TENM2: variants seen among roughly 807,000 people sequenced by gnomAD.
The protein encoded by TENM2 is teneurin transmembrane protein 2, also known as teneurin-2.
In TENM2, 52 loss-of-function variants were observed where a neutral mutation model predicts 245.2. That is an observed-to-expected ratio of 0.21 (90% CI 0.17 to 0.27). The LOEUF (loss-of-function observed/expected upper bound fraction) is 0.27. Ranked by LOEUF, TENM2 falls within the 10% of genes least tolerant of loss-of-function variation. The pLI, the probability that TENM2 is intolerant of heterozygous loss-of-function variation, is 1.00. For missense variants in TENM2, 3,046 were observed against 3,666.8 expected, an observed-to-expected ratio of 0.83 and a Z score of 4.37; for synonymous variants, 1,363 against 1,438.9, an observed-to-expected ratio of 0.95 and a Z score of 1.19.
chr5:167,716,985 C>G (rs1759316535), intron 2 of TENM2, among the ~76,000 whole-genome samples: 1 of 145,502 alleles, frequency 6.9e-6, no homozygotes, highest in South Asian at 2.1e-4. Context: ...TTGAGACAGT[C>G]TTGCTCTGTT....
At chr5:167,661,465 G>A (rs115667716) in intron 2 of TENM2, among the ~76,000 whole-genome samples, 2,123 of 152,268 alleles carry the variant, frequency 0.014, 108 homozygotes, top group Admixed American at 0.089. Context: ...ATTAGCACCT[G>A]GAAAATAGTA....
chr5:167,383,228 C>T (rs557208214), intron 2 of TENM2, among the ~76,000 whole-genome samples: 7 of 152,012 alleles, frequency 4.6e-5, no homozygotes, highest in South Asian at 4.2e-4. Context: ...AGGCCATATA[C>T]GAAAATGCCA....
intron 13 of TENM2, among the ~76,000 whole-genome samples, chr5:168,165,637 TCCCCCCCCCAACCCCCCCC>T (rs869055314): frequency 1.3e-4 from 3 of 22,566 alleles, no homozygotes; most frequent in Non-Finnish European, 4.4e-4. Context: ...CAATTCAGGA[TCCCCCCCCCAACCCCCCCC>T]CCCCCCCCGG....
At chr5:168,203,542 G>T (rs1762100355) in intron 17 of TENM2, 147 bp from the exon 20 acceptor site, 1 of 696,794 alleles carries the variant, frequency 1.4e-6, no homozygotes, top group Non-Finnish European at 2.2e-6. Flanking sequence ...AAGGAGAAAA[G>T]CAATCAGCCT....
intron 13 of TENM2, among the ~76,000 whole-genome samples, chr5:168,165,686 CCAAAGG>C (rs1262888969): frequency 5.5e-5 from 7 of 126,420 alleles, no homozygotes; most frequent in Non-Finnish European, 9.5e-5. Context: ...ACAAAGCAGT[CCAAAGG>C]CAGGGCACAA....
rs201411837 is a variant in TENM2 at position 167,654,119 on chromosome 5, CT to C, written c.503-221856del. Among the ~76,000 whole-genome samples, 76 of 147,934 alleles carry C rather than the reference CT, an allele frequency of 5.1e-4. 1 individual carries two copies. The highest frequency in any genetic ancestry group is 2.0e-3 in the Admixed American group (30 of 14,816). On this transcript the variant is annotated intron_variant, in intron 2 of 28. Coordinates refer to ENST00000518659, the Ensembl canonical transcript of TENM2. ...TTTCAAATAGTAGTACTTTTACTAA[CT>C]TTTTTTTTTTACTACCTTTATGGGT...
chr5:168,256,357 G>A lies in TENM2; in HGVS notation c.7433-3926G>A, dbSNP rs540669441. Among the ~76,000 whole-genome samples, 6 of 151,778 alleles carry A rather than the reference G, an allele frequency of 4.0e-5. No homozygotes were observed. The East Asian group carries it at 1.2e-3, about 29-fold the overall frequency. ...GATGCTCTGTAAATATATGGCTGTT[G>A]CCAGATTAAAGCCAGGCTTCTCTCT... is the stretch of plus-strand genomic sequence containing the variant. On this transcript the variant is annotated intron_variant, in intron 27 of 28. Transcript: ENST00000518659.
At chr5:167,253,675 T>C in the TENM2 span, among the ~76,000 whole-genome samples, 4 of 152,166 alleles carry the variant, frequency 2.6e-5, no homozygotes, top group Non-Finnish European at 4.4e-5. Context: ...TTTTCTCTTT[T>C]ACTCTTTAAG....
intron 1 of TENM2, among the ~76,000 whole-genome samples, chr5:167,360,085 G>C (rs1031116261): frequency 1.3e-5 from 2 of 152,124 alleles, no homozygotes; most frequent in Non-Finnish European, 2.9e-5. Context: ...TTAGTATCTG[G>C]GTGATGAAGA....
chr5:167,734,263 C>T (rs1760643122), intron 2 of TENM2, among the ~76,000 whole-genome samples: 1 of 152,050 alleles, frequency 6.6e-6, no homozygotes, highest in Non-Finnish European at 1.5e-5. Context: ...TCCCTCATCT[C>T]ATCTTTGAGA....
intron 1 of TENM2, among the ~76,000 whole-genome samples, chr5:167,326,075 A>G (rs1453368052): frequency 6.6e-6 from 1 of 152,032 alleles, no homozygotes; most frequent in Admixed American, 6.6e-5. Flanking sequence ...CAGGAGGGTG[A>G]GGGGCATTCT....
In TENM2 at chr5:168,014,096, C is replaced by G. The variant is rs140762432; in HGVS notation, c.1186+20914C>G. Among the ~76,000 whole-genome samples the G allele has an allele frequency of 2.6e-5, 4 of 152,320 alleles. No homozygotes were observed. The East Asian group carries it at 7.7e-4, about 29-fold the overall frequency. On this transcript the variant is annotated intron_variant, in intron 5 of 28. Transcript: ENST00000518659. The stretch of plus-strand genomic sequence containing the variant: ...CCTGATTTCCAAATAAGGTCACATT[C>G]ACAGCTATTGGAGGTTAGAACTTCA...
intron 2 of TENM2, among the ~76,000 whole-genome samples, chr5:167,586,179 A>AC (rs1775482981): frequency 6.6e-5 from 1 of 15,198 alleles, no homozygotes; most frequent in Non-Finnish European, 1.5e-4. Context: ...ATAAAAAAAC[A>AC]GGTGATATAA....
intron 1 of TENM2, among the ~76,000 whole-genome samples, chr5:167,347,104 G>T (rs921336861): frequency 1.3e-5 from 2 of 149,808 alleles, no homozygotes; most frequent in Non-Finnish European, 3.0e-5. Context: ...AGAAAAGCCA[G>T]ATCATACCTG....
At chr5:167,324,913 C>T (rs1015816340) in intron 1 of TENM2, among the ~76,000 whole-genome samples, 7 of 152,108 alleles carry the variant, frequency 4.6e-5, no homozygotes, top group African/African-American at 9.7e-5. Context: ...GGACCGAATT[C>T]GGCTTAACCT....
chr5:167,759,017 T>G (rs979289328), intron 2 of TENM2, among the ~76,000 whole-genome samples: 1 of 151,478 alleles, frequency 6.6e-6, no homozygotes, highest in African/African-American at 2.4e-5. Context: ...AAACACACAA[T>G]TTTGATAGTA....
Position 168,001,452 on chromosome 5 carries a change from G to T in TENM2, c.1186+8270G>T, listed in dbSNP as rs531489216. Among the ~76,000 whole-genome samples, 423 of 152,326 alleles carry T rather than the reference G, an allele frequency of 2.8e-3. 5 individuals are homozygous for T. The highest frequency in any genetic ancestry group is 3.3e-3 in the Non-Finnish European group (222 of 68,032). ...AATAATGGCATAAATCTAAAAGTCT[G>T]TTGGCTATTTCTCTGTAAATGAGGA... On this transcript the variant is annotated intron_variant, in intron 5 of 28. Coordinates refer to ENST00000518659, the Ensembl canonical transcript of TENM2.
intron 2 of TENM2, among the ~76,000 whole-genome samples, chr5:167,807,124 TAAAAAA>T (rs1178739925): frequency 0.028 from 1,384 of 48,998 alleles, 31 homozygotes; most frequent in Admixed American, 0.11. Flanking sequence ...GCCCCTAGGT[TAAAAAA>T]AAAAAAAAAA....
chr5:167,166,392 C>T, the TENM2 span, among the ~76,000 whole-genome samples: 1 of 152,136 alleles, frequency 6.6e-6, no homozygotes, highest in African/African-American at 2.4e-5. Context: ...TATAACCTGT[C>T]CTTGGAAAGT....
Sources: allele counts gnomAD v4.1 joint callset (sites outside exome capture counted in the v4.1 genomes callset), GRCh38; gene constraint gnomAD v4.1.1; transcripts MANE v1.5; gene names NCBI Gene and HGNC (gene_info 2026-07-23, HGNC 2026-07-21).